Variants in FRY observed in about 807,000 individuals in gnomAD.
FRY encodes protein furry homolog.
A neutral mutation model predicts 348.4 loss-of-function variants in FRY; 128 were observed. The ratio of observed to expected loss-of-function variants is 0.37; its 90% CI spans 0.32 to 0.43. The LOEUF is 0.43. Among genes scored for constraint, FRY ranks in the 20% least tolerant of loss-of-function variants. The pLI is 1.00. For missense variants in FRY, 2,736 were observed against 3,695.2 expected (o/e 0.74, Z 6.73); for synonymous variants, 1,370 against 1,374.7 (o/e 1.00, Z 0.08).
intron 22 of FRY, 36 bp from the exon 23 acceptor site, chr13:32,179,639 G>A: frequency 6.2e-7 from 1 of 1,610,708 alleles, no homozygotes; most frequent in Non-Finnish European, 8.5e-7. Context: ...CAGTTACCAT[G>A]TTACCTCTTT....
chr13:32,099,907 C>T (rs1453254838), intron 2 of FRY, among the ~76,000 whole-genome samples: 1 of 151,904 alleles, frequency 6.6e-6, no homozygotes, highest in Non-Finnish European at 1.5e-5. Flanking sequence ...GTAGTAGACT[C>T]TTGTTACTAC....
chr13:32,073,416 A>G (rs1227581040), intron 1 of FRY, among the ~76,000 whole-genome samples: 2 of 152,198 alleles, frequency 1.3e-5, no homozygotes, highest in Non-Finnish European at 1.5e-5. Flanking sequence ...CCCAGACTGT[A>G]GCACCTGAAT....
At chr13:32,166,905 A>T (rs1440065636) in intron 17 of FRY, among the ~76,000 whole-genome samples, 1 of 152,066 alleles carries the variant, frequency 6.6e-6, no homozygotes, top group Non-Finnish European at 1.5e-5. Context: ...CTCCAGGAAT[A>T]TTTTTGAGCC....
At chr13:32,269,360 G>C (rs1037076530) in intron 55 of FRY, among the ~76,000 whole-genome samples, 1 of 152,118 alleles carries the variant, frequency 6.6e-6, no homozygotes, top group Non-Finnish European at 1.5e-5. Context: ...TCTTTTTATG[G>C]TATGGGAAGG....
chr13:32,042,415 C>A (rs928900291), intron 1 of FRY, among the ~76,000 whole-genome samples: 1 of 152,148 alleles, frequency 6.6e-6, no homozygotes, highest in Non-Finnish European at 1.5e-5. Context: ...TTTTAGTATA[C>A]TTTTGCTATA....
chr13:32,102,779 G>A (rs1050971058), intron 3 of FRY, among the ~76,000 whole-genome samples: 3 of 152,304 alleles, frequency 2.0e-5, no homozygotes, highest in Admixed American at 2.0e-4. Flanking sequence ...CAAGGAGGCT[G>A]GAGGTATGTT....
At chr13:32,130,268 T>C (rs1879270285) in intron 7 of FRY, among the ~76,000 whole-genome samples, 1 of 152,114 alleles carries the variant, frequency 6.6e-6, no homozygotes, top group Non-Finnish European at 1.5e-5. Flanking sequence ...CTCGAACTCC[T>C]GACCTCAGGT....
At chr13:32,072,111 TC>T (rs1874698447) in intron 1 of FRY, among the ~76,000 whole-genome samples, 1 of 152,160 alleles carries the variant, frequency 6.6e-6, no homozygotes. Flanking sequence ...AGATACTAAT[TC>T]GTCTGGAGAT....
chr13:32,068,364 G>T (rs867580128), intron 1 of FRY, among the ~76,000 whole-genome samples: 25 of 152,156 alleles, frequency 1.6e-4, no homozygotes, highest in African/African-American at 5.8e-4. Context: ...TGAAATTCAG[G>T]ATTATCCTGC....
At chr13:32,286,888 G>C (rs1478598084) in intron 58 of FRY, among the ~76,000 whole-genome samples, 1 of 151,600 alleles carries the variant, frequency 6.6e-6, no homozygotes, top group Non-Finnish European at 1.5e-5. Context: ...GTCCAGGCAA[G>C]GTGGCTCATT....
intron 19 of FRY, 25 bp downstream of exon 19, chr13:32,173,574 T>C: frequency 1.9e-6 from 3 of 1,566,826 alleles, no homozygotes; most frequent in Non-Finnish European, 2.6e-6. Context: ...TCTGAATTTT[T>C]CCATTTCTTA....
intron 2 of FRY, among the ~76,000 whole-genome samples, chr13:32,096,295 T>C (rs1296022744): frequency 1.3e-5 from 2 of 152,152 alleles, no homozygotes; most frequent in African/African-American, 4.8e-5. Context: ...GTCAGCCATT[T>C]AACACACCCT....
At chr13:32,055,211 A>ATGTTTG (rs1432499963) in intron 1 of FRY, among the ~76,000 whole-genome samples, 33 of 151,694 alleles carry the variant, frequency 2.2e-4, no homozygotes, top group Non-Finnish European at 4.3e-4. Flanking sequence ...TGCCCAGCTA[A>ATGTTTG]TGTTTGTGTT....
intron 10 of FRY, among the ~76,000 whole-genome samples, chr13:32,135,553 T>C (rs1328897560): frequency 6.6e-6 from 1 of 152,182 alleles, no homozygotes; most frequent in Non-Finnish European, 1.5e-5. Context: ...CTGGCAAATT[T>C]CTATCTGGAT....
chr13:32,036,575 C>T (rs946810244), intron 1 of FRY, among the ~76,000 whole-genome samples: 2 of 151,956 alleles, frequency 1.3e-5, no homozygotes, highest in Admixed American at 1.3e-4. Context: ...AGGGCAACCA[C>T]AAAATTGTTT....
chr13:32,094,245 G>A (rs1360608139), intron 2 of FRY, among the ~76,000 whole-genome samples: 1 of 151,884 alleles, frequency 6.6e-6, no homozygotes, highest in East Asian at 1.9e-4. Context: ...GTACATAGTA[G>A]GTGTATATAT....
chr13:32,209,053 G>A lies in FRY; in HGVS notation c.4219G>A (p.Gly1407Ser). Residue 1407 changes from glycine (G) to serine (S), a missense_variant, in exon 32 of 61, where the codon GGC (glycine) becomes AGC (serine). Gly to Ser is a moderately conservative substitution (Grantham distance 56). Transcript: ENST00000542859. Reference protein sequence around the residue: ...ASHGLRGNGWGSPEATSLVLN... With the variant: ...ASHGLRGNGWSSPEATSLVLN... ...TCACGGGCTGAGAGGAAATGGCTGG[G>A]GCTCTCCAGAAGCCACGTCACTGGT... 6.2e-7 allele frequency: 1 copy of A among 1,614,118 alleles called. No individual in the cohort carries two copies. The highest frequency in any genetic ancestry group is 8.5e-7 in the Non-Finnish European group (1 of 1,180,020).
intron 1 of FRY, among the ~76,000 whole-genome samples, chr13:32,056,353 T>C (rs1873623568): frequency 6.6e-6 from 1 of 152,140 alleles, no homozygotes; most frequent in Non-Finnish European, 1.5e-5. Context: ...CTGTCAGAGG[T>C]ACCCTGTGCC....
chr13:32,285,537 A>C (rs2078326), intron 58 of FRY, among the ~76,000 whole-genome samples: 42,133 of 152,122 alleles, frequency 0.28, 6,060 homozygotes, highest in Middle Eastern at 0.3. Context: ...CTTAGCACCA[A>C]GCTGGAGTCG....
Sources: gnomAD v4.1 joint callset for allele counts (sites outside exome capture counted in the v4.1 genomes callset) on GRCh38, gnomAD v4.1.1 for gene constraint, MANE v1.5 for transcripts, NCBI Gene and HGNC (gene_info 2026-07-23, HGNC 2026-07-21) for gene names.